The following GPHN variants were observed in gnomAD, a reference collection of about 807,000 sequenced individuals.
The protein encoded by GPHN is gephyrin.
A neutral mutation model predicts 95.5 loss-of-function variants in GPHN; 17 were observed. The ratio of observed to expected loss-of-function variants is 0.18; its 90% CI spans 0.12 to 0.27. The LOEUF is 0.27. GPHN is among the 10% of genes least tolerant of loss of function. GPHN has a pLI of 1.00. For missense variants in GPHN, 660 were observed against 978.1 expected, an observed-to-expected ratio of 0.67 and a Z score of 4.34; for synonymous variants, 320 against 322.5, an observed-to-expected ratio of 0.99 and a Z score of 0.08.
At chr14:67,193,772 A>G in the GPHN span, among the ~76,000 whole-genome samples, 1 of 142,608 alleles carries the variant, frequency 7.0e-6, no homozygotes, top group African/African-American at 2.6e-5. Context: ...GGAAGACCCA[A>G]TTTCTACAAA....
At chr14:66,777,153 C>T (rs1006896659) in intron 3 of GPHN, among the ~76,000 whole-genome samples, 4 of 151,580 alleles carry the variant, frequency 2.6e-5, no homozygotes, top group African/African-American at 9.7e-5. Flanking sequence ...CACCACCGAT[C>T]CCGCAGAAAT....
At chr14:66,528,510 A>G (rs1187104942) in intron 1 of GPHN, among the ~76,000 whole-genome samples, 1 of 152,148 alleles carries the variant, frequency 6.6e-6, no homozygotes, top group Non-Finnish European at 1.5e-5. Flanking sequence ...TCATTATGAT[A>G]CTAGCTGGTT....
chr14:66,976,255 G>T (rs1055189397), intron 9 of GPHN, among the ~76,000 whole-genome samples: 1 of 152,178 alleles, frequency 6.6e-6, no homozygotes, highest in African/African-American at 2.4e-5. Flanking sequence ...GTTATGAGAA[G>T]ATAGGGAAGT....
chr14:67,139,448 T>C (rs2080319780), intron 17 of GPHN, among the ~76,000 whole-genome samples: 1 of 152,150 alleles, frequency 6.6e-6, no homozygotes, highest in South Asian at 2.1e-4. Flanking sequence ...CTCATTAGAC[T>C]CTTTCTTTTA....
At chr14:67,242,788 C>G in the GPHN span, among the ~76,000 whole-genome samples, 2 of 152,126 alleles carry the variant, frequency 1.3e-5, no homozygotes, top group Non-Finnish European at 1.5e-5. Flanking sequence ...CTTTAAAAAT[C>G]TGGTAAATTT....
the GPHN span, among the ~76,000 whole-genome samples, chr14:67,515,736 A>C: frequency 5.3e-5 from 8 of 152,214 alleles, no homozygotes; most frequent in Admixed American, 2.0e-4. Flanking sequence ...TGTGGGGACC[A>C]GGCGTGCAAC....
intron 3 of GPHN, among the ~76,000 whole-genome samples, chr14:66,789,761 G>T (rs1408599925): frequency 2.6e-5 from 4 of 152,208 alleles, no homozygotes; most frequent in Non-Finnish European, 1.5e-5. Flanking sequence ...CTCTTAGTGA[G>T]GGGTGGGGAC....
chr14:67,603,996 G>GTTTTTTTTTTTTTTTTTTTTTT, the GPHN span, among the ~76,000 whole-genome samples: 1 of 150,144 alleles, frequency 6.7e-6, no homozygotes, highest in Non-Finnish European at 1.5e-5. Flanking sequence ...CTTGTTTTTT[G>GTTTTTTTTTTTTTTTTTTTTTT]TTTTTGTTTT....
At chr14:66,708,646 A>C (rs1180019260) in intron 2 of GPHN, among the ~76,000 whole-genome samples, 1 of 152,160 alleles carries the variant, frequency 6.6e-6, no homozygotes, top group Non-Finnish European at 1.5e-5. Flanking sequence ...CTAGAGCAGT[A>C]ATTTACTGAG....
At chr14:67,383,812 A>G in the GPHN span, 2 of 265,424 alleles carry the variant, frequency 7.5e-6, no homozygotes, top group South Asian at 4.1e-5. Context: ...CAATCTTTCT[A>G]TATAAAATGT....
intron 17 of GPHN, among the ~76,000 whole-genome samples, chr14:67,140,751 C>A (rs956403849): frequency 2.0e-5 from 3 of 152,090 alleles, no homozygotes; most frequent in African/African-American, 7.2e-5. Flanking sequence ...TATGATCCAG[C>A]AAGGCAAGGA....
the GPHN span, among the ~76,000 whole-genome samples, chr14:67,451,976 G>A: frequency 6.6e-6 from 1 of 152,112 alleles, no homozygotes; most frequent in Non-Finnish European, 1.5e-5. Context: ...CATCAGGGTG[G>A]GTCTTTCCCA....
chr14:67,147,504 TTTTTG>T lies in GPHN; in HGVS notation c.1836+4076_1836+4080del, dbSNP rs60628008. The stretch of plus-strand genomic sequence containing the variant: ...ATATGTAAGTATTTCACAGTAGGGT[TTTTTG>T]TTTTGTTTTGTTTTGTTTTGAGGTT... On this transcript the variant is annotated intron_variant, in intron 18 of 22. Transcript: ENST00000478722. 5.9e-3 allele frequency among the ~76,000 whole-genome samples: 888 copies of T among 151,054 alleles called. 9 individuals carry two copies. Among genetic ancestry groups the T allele is most frequent in the African/African-American group, 0.021 (864 of 41,002 alleles).
intron 1 of GPHN, among the ~76,000 whole-genome samples, chr14:66,589,299 T>C (rs572742824): frequency 6.6e-6 from 1 of 152,234 alleles, no homozygotes; most frequent in East Asian, 1.9e-4. Flanking sequence ...GTAAAGTCTT[T>C]CGACACTATG....
chr14:66,740,440 T>C lies in GPHN; in HGVS notation c.144-36024T>C, dbSNP rs1160550890. Among the ~76,000 whole-genome samples, 6 of 152,206 alleles carry C rather than the reference T, an allele frequency of 3.9e-5. No homozygotes were observed. In the South Asian group the frequency reaches 1.2e-3, roughly 32 times the overall value. ...CATATAAAAAGAAAGAATATCTTAT[T>C]TAATAGTAGAGCTTACTTCTGAATA... On this transcript the variant is annotated intron_variant, in intron 2 of 22. Coordinates refer to ENST00000478722, the MANE Select transcript of GPHN (RefSeq NM_020806.5).
At chr14:67,496,412 T>TTTTTTTG in the GPHN span, among the ~76,000 whole-genome samples, 2 of 134,572 alleles carry the variant, frequency 1.5e-5, 1 homozygote, top group Non-Finnish European at 3.2e-5. Flanking sequence ...TTTTTTTTTT[T>TTTTTTTG]TTTTTTTTTG....
chr14:66,782,281 C>T (rs2059631795), intron 3 of GPHN, among the ~76,000 whole-genome samples: 1 of 152,112 alleles, frequency 6.6e-6, no homozygotes, highest in Non-Finnish European at 1.5e-5. Context: ...TCTATTTATT[C>T]TTTTCTCAGC....
chr14:67,149,854 C>T (rs1291566687), intron 18 of GPHN, among the ~76,000 whole-genome samples: 1 of 152,120 alleles, frequency 6.6e-6, no homozygotes, highest in Non-Finnish European at 1.5e-5. Flanking sequence ...TCAACACATT[C>T]ATTAACATGA....
the GPHN span, among the ~76,000 whole-genome samples, chr14:67,553,620 A>C: frequency 6.6e-6 from 1 of 152,244 alleles, no homozygotes; most frequent in Admixed American, 6.5e-5. Flanking sequence ...GTTATGCAGT[A>C]CCAACACTGG....
Sources: allele counts gnomAD v4.1 joint callset (sites outside exome capture counted in the v4.1 genomes callset), GRCh38; gene constraint gnomAD v4.1.1; transcripts MANE v1.5; gene names NCBI Gene and HGNC (gene_info 2026-07-23, HGNC 2026-07-21).